The following NBEAL1 variants were observed in gnomAD, a reference collection of about 807,000 sequenced individuals.
NBEAL1 encodes neurobeachin like 1.
Under a neutral mutation model 351.3 loss-of-function variants are expected in NBEAL1, and 273 were observed. That is an observed-to-expected ratio of 0.78 (90% confidence interval 0.70 to 0.86). The LOEUF is 0.86. NBEAL1 is among the 40% of genes least tolerant of loss of function. NBEAL1 has a pLI of 0.00. For synonymous variants in NBEAL1, 1,050 were observed against 1,086.4 expected (o/e 0.97, Z 0.66); for missense variants, 2,961 against 3,201.3 (o/e 0.92, Z 1.81).
chr2:203,039,720 C>A (rs2061107661), intron 2 of NBEAL1, among the ~76,000 whole-genome samples: 1 of 152,094 alleles, frequency 6.6e-6, no homozygotes, highest in South Asian at 2.1e-4. Context: ...ATTTGGGTTT[C>A]AGTTTTTATG....
intron 8 of NBEAL1, among the ~76,000 whole-genome samples, chr2:203,079,462 A>G (rs1038304841): frequency 1.3e-5 from 2 of 152,216 alleles, no homozygotes; most frequent in African/African-American, 2.4e-5. Context: ...AATTTTAGTT[A>G]GAAATTAGTA....
intron 4 of NBEAL1, among the ~76,000 whole-genome samples, chr2:203,056,130 G>A (rs1254837605): frequency 1.3e-5 from 2 of 152,066 alleles, no homozygotes; most frequent in Non-Finnish European, 2.9e-5. Flanking sequence ...AGATATTGGT[G>A]TTTATTTTTT....
At chr2:203,087,425 A>G (rs1016052983) in intron 10 of NBEAL1, among the ~76,000 whole-genome samples, 2 of 152,050 alleles carry the variant, frequency 1.3e-5, no homozygotes, top group Non-Finnish European at 2.9e-5. Flanking sequence ...CATTGAAGCC[A>G]AAACTATCTC....
chr2:203,130,698 A>G (rs1260410137), intron 25 of NBEAL1, among the ~76,000 whole-genome samples: 2 of 152,210 alleles, frequency 1.3e-5, no homozygotes, highest in African/African-American at 2.4e-5. Context: ...TCACTTTGTC[A>G]TACCATCCTC....
intron 29 of NBEAL1, 78 bp from the exon 30 acceptor site, chr2:203,138,084 C>A: frequency 1.5e-6 from 2 of 1,334,768 alleles, no homozygotes; most frequent in Non-Finnish European, 2.1e-6. Flanking sequence ...GCCTCTCAAG[C>A]TATTTTGTTT....
intron 7 of NBEAL1, among the ~76,000 whole-genome samples, chr2:203,072,247 C>G (rs1248894868): frequency 6.6e-6 from 1 of 152,190 alleles, no homozygotes; most frequent in African/African-American, 2.4e-5. Flanking sequence ...TTCCCACTTT[C>G]TCTGTCCCCT....
intron 7 of NBEAL1, among the ~76,000 whole-genome samples, chr2:203,077,494 T>G (rs183097923): frequency 1.1e-3 from 169 of 152,316 alleles, no homozygotes; most frequent in Non-Finnish European, 1.0e-4. Context: ...TTTTTCTCAT[T>G]TATAAATGGG....
At chr2:203,026,509 T>TC (rs931635076) in intron 2 of NBEAL1, among the ~76,000 whole-genome samples, 29 of 151,586 alleles carry the variant, frequency 1.9e-4, no homozygotes, top group Non-Finnish European at 1.5e-4. Context: ...ATTTTAAATT[T>TC]TTTTTTTTTT....
Position 203,107,461 on chromosome 2 carries a change from AG to A in NBEAL1, c.1312del (p.Val438TyrfsTer2). On this transcript the variant is annotated frameshift_variant, in exon 13 of 56. Transcript: ENST00000683969. LOFTEE classifies it high-confidence loss of function. ...ERIGYTHMLE[V>X]LKSLGQPPLE... ...GAATTGGTTATACACATATGCTTGA[AG>A]TATTAAAATCCCTGGGTCAGCCACC... The A allele has an allele frequency of 6.4e-7, 1 of 1,551,284 alleles. No homozygotes were observed. The highest frequency in any genetic ancestry group is 8.7e-7 in the Non-Finnish European group (1 of 1,146,204).
Position 203,209,328 on chromosome 2 carries a change from T to C in NBEAL1, c.7785+6T>C. ...AAGAAAAGACCACCCTCAAGGTATA[T>C]GACCTTTCATGCAATAGAGGTAGAC... On this transcript the variant is annotated splice_donor_region_variant and intron_variant, in intron 53 of 55. Coordinates refer to ENST00000683969, the MANE Select transcript of NBEAL1 (RefSeq NM_001378026.1). The C allele has an allele frequency of 6.2e-7, 1 of 1,609,356 alleles. No homozygotes were observed.
intron 9 of NBEAL1, 49 bp downstream of exon 9, chr2:203,083,574 A>G (rs772003056): frequency 7.3e-7 from 1 of 1,364,618 alleles, no homozygotes; most frequent in Non-Finnish European, 9.8e-7. Context: ...TTTTATTTTC[A>G]TATCTACCAC....
At chr2:203,192,803 C>A (rs1421660700) in intron 46 of NBEAL1, among the ~76,000 whole-genome samples, 1 of 151,896 alleles carries the variant, frequency 6.6e-6, no homozygotes, top group African/African-American at 2.4e-5. Flanking sequence ...TTTAACTGTG[C>A]CTTTGAAATG....
At chr2:203,044,480 G>T (rs935606344) in intron 3 of NBEAL1, among the ~76,000 whole-genome samples, 3 of 152,104 alleles carry the variant, frequency 2.0e-5, no homozygotes, top group African/African-American at 7.2e-5. Flanking sequence ...AGGTGCAGTT[G>T]TTATCATCCA....
rs1172220053 is a variant in NBEAL1 at position 203,219,990 on chromosome 2, A to G, written c.*2636A>G. 6.6e-6 allele frequency: 1 copy of G among 152,230 alleles called. No homozygotes were observed. Among genetic ancestry groups the G allele is most frequent in the Non-Finnish European group, 1.5e-5 (1 of 68,034 alleles). 9.4% of individuals were successfully genotyped at this position (152,230 alleles called of 1,614,324 possible). The stretch of plus-strand genomic sequence containing the variant: ...TTAGTGAATAATATATTACTCATTT[A>G]AAGAGTATAGCCTACTGAATTAAAA... On this transcript the variant is annotated 3_prime_UTR_variant, in exon 56 of 56. Transcript: ENST00000683969.
At chr2:203,146,515 A>C (rs1353177011) in intron 33 of NBEAL1, among the ~76,000 whole-genome samples, 2 of 152,180 alleles carry the variant, frequency 1.3e-5, no homozygotes, top group Non-Finnish European at 2.9e-5. Flanking sequence ...ACATTAGATC[A>C]AGCACAGAGG....
intron 39 of NBEAL1, 94 bp from the exon 40 acceptor site, chr2:203,171,834 T>TC (rs2064328524): frequency 3.7e-6 from 2 of 535,330 alleles, no homozygotes; most frequent in East Asian, 6.3e-5. Flanking sequence ...TTTTTTTTTT[T>TC]TTAGCCCATT....
intron 42 of NBEAL1, among the ~76,000 whole-genome samples, chr2:203,177,644 G>A (rs1427550852): frequency 6.6e-6 from 1 of 152,108 alleles, no homozygotes; most frequent in Non-Finnish European, 1.5e-5. Flanking sequence ...TGGAGAAATT[G>A]GAAGCCTTAT....
At chr2:203,117,184 G>A (rs990241442) in intron 18 of NBEAL1, among the ~76,000 whole-genome samples, 1 of 151,806 alleles carries the variant, frequency 6.6e-6, no homozygotes, top group Non-Finnish European at 1.5e-5. Context: ...GTATAATCTC[G>A]GCCGGGCACA....
At chr2:203,127,665 T>G in intron 23 of NBEAL1, 116 bp from the exon 24 acceptor site, 1 of 532,726 alleles carries the variant, frequency 1.9e-6, no homozygotes, top group Non-Finnish European at 3.3e-6. Flanking sequence ...GAGGTTGCAG[T>G]GAGCCAAGAT....
Sources: allele counts gnomAD v4.1 joint callset (sites outside exome capture counted in the v4.1 genomes callset), GRCh38; gene constraint gnomAD v4.1.1; transcripts MANE v1.5; gene names NCBI Gene and HGNC (gene_info 2026-07-23, HGNC 2026-07-21).